Variants in CCZ1 observed in about 807,000 individuals in gnomAD.
The protein encoded by CCZ1 is vacuolar fusion protein CCZ1 homolog.
Under a neutral mutation model 57.8 loss-of-function variants are expected in CCZ1, and 19 were observed. The observed-to-expected ratio is 0.33, with a 90% confidence interval of 0.23 to 0.48. CCZ1 has a LOEUF of 0.48. Ranked by LOEUF, CCZ1 falls within the 20% of genes least tolerant of loss-of-function variation. The probability of loss-of-function intolerance (pLI) is 0.99; values close to 1 mark genes in which losing one functional copy is unlikely to be tolerated. For synonymous variants in CCZ1, 81 were observed against 167.0 expected, an observed-to-expected ratio of 0.49 and a Z score of 3.97; for missense variants, 200 against 492.0, an observed-to-expected ratio of 0.41 and a Z score of 5.61.
chr7:5,903,058 C>T (rs1453028244), intron 6 of CCZ1, among the ~76,000 whole-genome samples: 2 of 148,308 alleles, frequency 1.3e-5, no homozygotes, highest in Admixed American at 1.3e-4. Flanking sequence ...CAGCAGCCAT[C>T]TTTTGTGTGA....
intron 10 of CCZ1, among the ~76,000 whole-genome samples, chr7:5,916,498 GTTTTTTGTTTTT>G (rs369036575): frequency 0.58 from 63,685 of 108,906 alleles, 13,145 homozygotes; most frequent in Middle Eastern, 0.62. Context: ...TTTTTGTTTT[GTTTTTTGTTTTT>G]TTTTTTTTTG....
Position 5,901,430 on chromosome 7 carries a change from A to C in CCZ1, c.391-227A>C. ...AACCGGGGACGCAAATGTTGCAGTG[A>C]GCCAAGATTGTACCACTGCGCTCCA... On this transcript the variant is annotated intron_variant, in intron 4 of 14. Transcript: ENST00000325974. The C allele has an allele frequency of 7.9e-6, 5 of 634,876 alleles. No individual in the cohort carries two copies. In the South Asian group the frequency reaches 1.8e-4, roughly 23 times the overall value. The allele number at this position is 634,876 out of a possible 1,614,324, so 39.3% of individuals were successfully genotyped here.
Position 5,906,330 on chromosome 7 carries a change from T to G in CCZ1, c.698+1061T>G, listed in dbSNP as rs1287284406. 1.4e-5 allele frequency among the ~76,000 whole-genome samples: 2 copies of G among 144,040 alleles called. 1 individual carries two copies. Among genetic ancestry groups the G allele is most frequent in the Non-Finnish European group, 3.0e-5 (2 of 66,534 alleles). The allele number at this position is 144,040 out of a possible 152,430, so 94.5% of individuals were successfully genotyped here. A position where few individuals can be genotyped will look rare whatever the true frequency, so the allele number is the denominator to read the frequency against. On this transcript the variant is annotated intron_variant, in intron 7 of 14. Coordinates refer to ENST00000325974, the MANE Select transcript of CCZ1 (RefSeq NM_015622.6). ...AGCCCACTTTCTTTCTTTCTTTTTT[T>G]TTTTTTTTTTTGAGACGGAGTCTCA...
At chr7:5,909,862 A>G (rs1583186199) in intron 7 of CCZ1, among the ~76,000 whole-genome samples, 173 bp from the exon 8 acceptor site, 1 of 151,690 alleles carries the variant, frequency 6.6e-6, no homozygotes, top group South Asian at 2.1e-4. Flanking sequence ...CTCAGGTACA[A>G]AAATAGATTG....
intron 5 of CCZ1, chr7:5,902,127 C>T (rs2128610458): frequency 5.6e-6 from 1 of 177,058 alleles, no homozygotes; most frequent in East Asian, 2.0e-4. Flanking sequence ...GAACCCATCT[C>T]TACAAAAAAT....
intron 10 of CCZ1, among the ~76,000 whole-genome samples, chr7:5,916,877 T>G (rs1174030472): frequency 8.7e-6 from 1 of 114,388 alleles, no homozygotes; most frequent in Non-Finnish European, 1.8e-5. Flanking sequence ...TGTTCCCTCC[T>G]ATTTTTTTGG....
chr7:5,913,011 A>C (rs1259180091), intron 10 of CCZ1, 57 bp downstream of exon 10: 16 of 1,604,690 alleles, frequency 1.0e-5, no homozygotes, highest in Non-Finnish European at 1.4e-5. Flanking sequence ...TCTTTCTTGC[A>C]TGTGTACACG....
intron 7 of CCZ1, among the ~76,000 whole-genome samples, chr7:5,906,454 C>T (rs1781826313): frequency 6.8e-6 from 1 of 148,134 alleles, no homozygotes; most frequent in Admixed American, 6.7e-5. Flanking sequence ...TCCCAAGTAG[C>T]TGGGATTACA....
At chr7:5,916,629 T>A (rs1779154613) in intron 10 of CCZ1, among the ~76,000 whole-genome samples, 2 of 147,548 alleles carry the variant, frequency 1.4e-5, no homozygotes, top group Non-Finnish European at 3.0e-5. Context: ...CGAGGATGTG[T>A]GGCTGTCTCT....
At chr7:5,921,847 TG>T (rs1195642769) in intron 12 of CCZ1, among the ~76,000 whole-genome samples, 11 of 138,510 alleles carry the variant, frequency 7.9e-5, no homozygotes, top group Non-Finnish European at 3.2e-5. Context: ...TCACCTGTTT[TG>T]TTTTTTTGTG....
Position 5,901,897 on chromosome 7 carries a change from C to T in CCZ1, c.438+193C>T, listed in dbSNP as rs372017158. The T allele has an allele frequency of 1.2e-4, 61 of 526,406 alleles. 2 individuals are homozygous for T. The highest frequency in any genetic ancestry group is 1.0e-3 in the African/African-American group (51 of 51,068). 32.6% of individuals were successfully genotyped at this position (526,406 alleles called of 1,614,324 possible). Reference sequence around the variant, plus strand: ...ATTTATTCAGTAAGTATTGAACTCCCTTCTCTTTTCTCAGCCTTATAGTAG... The same window carrying T: ...ATTTATTCAGTAAGTATTGAACTCCTTTCTCTTTTCTCAGCCTTATAGTAG... On this transcript the variant is annotated intron_variant, in intron 5 of 14. Transcript: ENST00000325974.
chr7:5,906,896 C>A (rs1049855702), intron 7 of CCZ1, among the ~76,000 whole-genome samples: 1 of 150,088 alleles, frequency 6.7e-6, no homozygotes, highest in South Asian at 2.1e-4. Context: ...GAGATGGAGT[C>A]GCTTTCTGTT....
At position 5,914,840 on chromosome 7, in the gene CCZ1, T is replaced by C. The variant is rs1779117980; in HGVS notation, c.954+1886T>C. ...GCAGTGAGCTGAGCTTACGCCACTG[T>C]GCTCCAGTCTGGGCAACAGAGCAAG... On this transcript the variant is annotated intron_variant, in intron 10 of 14. Coordinates refer to ENST00000325974, the MANE Select transcript of CCZ1 (RefSeq NM_015622.6). Among the ~76,000 whole-genome samples the C allele has an allele frequency of 3.6e-5, 5 of 138,212 alleles. No individual in the cohort carries two copies. The South Asian group carries it at 1.3e-3, about 37-fold the overall frequency. 90.7% of individuals were successfully genotyped at this position (138,212 alleles called of 152,430 possible). A position where few individuals can be genotyped will look rare whatever the true frequency, so the allele number is the denominator to read the frequency against.
At chr7:5,899,566 T>G in intron 1 of CCZ1, among the ~76,000 whole-genome samples, 2 of 113,114 alleles carry the variant, frequency 1.8e-5, no homozygotes, top group East Asian at 3.3e-4. Context: ...CAGACCAGCC[T>G]GGGCAACATA....
At chr7:5,912,722 G>C (rs1779064318) in intron 9 of CCZ1, 121 bp from the exon 10 acceptor site, 1 of 1,180,992 alleles carries the variant, frequency 8.5e-7, no homozygotes, top group African/African-American at 1.5e-5. Flanking sequence ...TATGGTGTTT[G>C]CCAAATAGCA....
At chr7:5,903,245 T>C (rs1478522531) in intron 6 of CCZ1, among the ~76,000 whole-genome samples, 1 of 145,632 alleles carries the variant, frequency 6.9e-6, no homozygotes, top group Non-Finnish European at 1.5e-5. Flanking sequence ...TTCGTTGTAA[T>C]TGAATTTTGC....
At position 5,903,183 on chromosome 7, in the gene CCZ1, C is replaced by T. The variant is rs1248535818; in HGVS notation, c.522+439C>T. ...TGTAGGTAAGAGTTACTGGCCTTGA[C>T]AGACTTTGTCAGATTAGCGATTGGG... On this transcript the variant is annotated intron_variant, in intron 6 of 14. Transcript: ENST00000325974. Among the ~76,000 whole-genome samples the T allele has an allele frequency of 2.4e-4, 35 of 148,800 alleles. 2 individuals are homozygous for T. Among genetic ancestry groups the T allele is most frequent in the African/African-American group, 8.5e-4 (34 of 40,218 alleles).
chr7:5,911,982 C>G, intron 9 of CCZ1, 60 bp downstream of exon 9: 1 of 1,545,806 alleles, frequency 6.5e-7, no homozygotes, highest in East Asian at 2.3e-5. Flanking sequence ...GACTCAGAGT[C>G]TGGCTCTGTT....
intron 1 of CCZ1, among the ~76,000 whole-genome samples, chr7:5,900,062 A>G (rs1276798066): frequency 6.6e-6 from 1 of 150,960 alleles, no homozygotes; most frequent in Non-Finnish European, 1.5e-5. Context: ...GAGACGTCTC[A>G]CTGTGTTGCC....
Sources: gnomAD v4.1 joint callset for allele counts (sites outside exome capture counted in the v4.1 genomes callset) on GRCh38, gnomAD v4.1.1 for gene constraint, MANE v1.5 for transcripts, NCBI Gene and HGNC (gene_info 2026-07-23, HGNC 2026-07-21) for gene names.